Variants in NKAIN2 observed in about 807,000 individuals in gnomAD.
The protein encoded by NKAIN2 is sodium/potassium transporting ATPase interacting 2, also known as sodium/potassium-transporting ATPase subunit beta-1-interacting protein 2.
A neutral mutation model predicts 32.6 loss-of-function variants in NKAIN2; 14 were observed. The ratio of observed to expected loss-of-function variants is 0.43; its 90% confidence interval spans 0.28 to 0.67. NKAIN2 has a LOEUF of 0.67. Among genes scored for constraint, NKAIN2 ranks in the 30% least tolerant of loss-of-function variants. NKAIN2 has a pLI of 0.17. For missense variants in NKAIN2, 198 were observed against 258.3 expected, an observed-to-expected ratio of 0.77 and a Z score of 1.60; for synonymous variants, 80 against 87.2, an observed-to-expected ratio of 0.92 and a Z score of 0.46.
At position 124,633,938 on chromosome 6, in the gene NKAIN2, C is replaced by T. The variant is rs541433359; in HGVS notation, c.274-24248C>T. On this transcript the variant is annotated intron_variant, in intron 3 of 6. Transcript: ENST00000368417. The stretch of plus-strand genomic sequence containing the variant: ...TTCCCCAGCAAAGATATGCCACAGC[C>T]TCCACAAACAGCCACAGCTTAGGCC... Among the ~76,000 whole-genome samples the T allele has an allele frequency of 3.9e-5, 6 of 152,088 alleles. No homozygotes were observed. The South Asian group carries it at 1.2e-3, about 32-fold the overall frequency.
At chr6:123,969,707 G>C (rs1778251674) in intron 1 of NKAIN2, among the ~76,000 whole-genome samples, 1 of 152,178 alleles carries the variant, frequency 6.6e-6, no homozygotes, top group Admixed American at 6.5e-5. Flanking sequence ...ACAGTTGCCA[G>C]TGTCTAGATG....
chr6:124,146,288 C>T (rs2326080), intron 1 of NKAIN2, among the ~76,000 whole-genome samples: 96,035 of 151,892 alleles, frequency 0.63, 30,524 homozygotes, highest in East Asian at 0.73. Context: ...GTACAGTTTT[C>T]TTTTCAGAAC....
chr6:124,209,256 A>T (rs1008311835), intron 1 of NKAIN2, among the ~76,000 whole-genome samples: 3 of 151,842 alleles, frequency 2.0e-5, no homozygotes, highest in East Asian at 3.9e-4. Flanking sequence ...TTCACTTAAC[A>T]TAATGTCCCC....
At chr6:124,723,125 T>A (rs571780292) in intron 4 of NKAIN2, among the ~76,000 whole-genome samples, 15 of 152,330 alleles carry the variant, frequency 9.8e-5, no homozygotes, top group Admixed American at 7.2e-4. Context: ...AAAGAAAATT[T>A]GCAGAGAATC....
intron 1 of NKAIN2, among the ~76,000 whole-genome samples, chr6:123,911,277 C>T (rs1775164189): frequency 1.3e-5 from 2 of 152,116 alleles, no homozygotes; most frequent in African/African-American, 4.8e-5. Flanking sequence ...GCTCATGCTT[C>T]TGCAGGCTGT....
chr6:123,973,284 G>T (rs948980234), intron 1 of NKAIN2, among the ~76,000 whole-genome samples: 12 of 152,114 alleles, frequency 7.9e-5, no homozygotes, highest in African/African-American at 2.9e-4. Context: ...ATTATTAACA[G>T]TTAGAGCAGA....
At chr6:124,033,322 T>C (rs1331053094) in intron 1 of NKAIN2, among the ~76,000 whole-genome samples, 2 of 152,230 alleles carry the variant, frequency 1.3e-5, no homozygotes, top group African/African-American at 2.4e-5. Context: ...TTTTTAAATG[T>C]CGGTTAGAAA....
At chr6:124,102,118 G>A (rs73563185) in intron 1 of NKAIN2, among the ~76,000 whole-genome samples, 2,661 of 152,310 alleles carry the variant, frequency 0.017, 78 homozygotes, top group African/African-American at 0.061. Flanking sequence ...GAGGGTAGTG[G>A]TGGAATACAG....
At chr6:124,652,406 T>C (rs1333599236) in intron 3 of NKAIN2, among the ~76,000 whole-genome samples, 1 of 152,228 alleles carries the variant, frequency 6.6e-6, no homozygotes, top group Non-Finnish European at 1.5e-5. Context: ...CCTCCATTTA[T>C]AGCAATACAA....
Position 124,612,515 on chromosome 6 carries a change from A to G in NKAIN2, c.274-45671A>G, listed in dbSNP as rs373278634. The stretch of plus-strand genomic sequence containing the variant: ...CAGGGGAACTCTATGTGGAGATCTA[A>G]TTCTTGAAGTCTTATACCTGTAAGG... On this transcript the variant is annotated intron_variant, in intron 3 of 6. Coordinates refer to ENST00000368417, the MANE Select transcript of NKAIN2 (RefSeq NM_001040214.3). Among the ~76,000 whole-genome samples, 22 of 152,032 alleles carry G rather than the reference A, an allele frequency of 1.4e-4. No homozygotes were observed. In the East Asian group the frequency reaches 1.7e-3, roughly 12 times the overall value.
chr6:124,614,002 T>C (rs561480075), intron 3 of NKAIN2, among the ~76,000 whole-genome samples: 31 of 152,348 alleles, frequency 2.0e-4, no homozygotes, highest in African/African-American at 7.5e-4. Flanking sequence ...GATCAGGTCA[T>C]TTCAGCCTGA....
chr6:123,874,558 G>C (rs753149865), intron 1 of NKAIN2, among the ~76,000 whole-genome samples: 1 of 151,884 alleles, frequency 6.6e-6, no homozygotes, highest in Admixed American at 6.6e-5. Context: ...GCTTATTTTG[G>C]CACTAAGTGA....
intron 1 of NKAIN2, among the ~76,000 whole-genome samples, chr6:123,914,446 C>T (rs1302840838): frequency 6.6e-6 from 1 of 152,094 alleles, no homozygotes; most frequent in Non-Finnish European, 1.5e-5. Flanking sequence ...CTAATCCTAT[C>T]AGATCAGGGA....
chr6:124,493,202 T>G (rs933379588), intron 3 of NKAIN2, among the ~76,000 whole-genome samples: 2 of 152,046 alleles, frequency 1.3e-5, no homozygotes, highest in African/African-American at 4.8e-5. Flanking sequence ...TGGGGCTTTA[T>G]TAAGGCATCA....
intron 6 of NKAIN2, 33 bp from the exon 7 acceptor site, chr6:124,823,187 C>T (rs778391888): frequency 1.3e-6 from 2 of 1,504,388 alleles, no homozygotes; most frequent in South Asian, 1.1e-5. Flanking sequence ...GTCACTTTCC[C>T]CCTTGACTAA....
intron 1 of NKAIN2, among the ~76,000 whole-genome samples, chr6:124,243,310 C>A (rs1230520282): frequency 6.6e-6 from 1 of 151,876 alleles, no homozygotes; most frequent in Non-Finnish European, 1.5e-5. Context: ...CTCTGTCCAA[C>A]CTAAGAAAAC....
intron 1 of NKAIN2, among the ~76,000 whole-genome samples, chr6:123,955,590 TTTTTATTTTATTTTATTTTA>T (rs61369548): frequency 7.3e-5 from 10 of 136,664 alleles, no homozygotes; most frequent in Admixed American, 5.2e-4. Flanking sequence ...ATTTAAACAT[TTTTTATTTTATTTTATTTTA>T]TTTTATTTTA....
intron 3 of NKAIN2, among the ~76,000 whole-genome samples, chr6:124,641,263 C>G (rs1416567271): frequency 9.9e-5 from 15 of 152,018 alleles, no homozygotes; most frequent in African/African-American, 3.6e-4. Flanking sequence ...CATAAAAATG[C>G]AATATTTGTA....
At chr6:124,417,066 A>T (rs568689538) in intron 3 of NKAIN2, among the ~76,000 whole-genome samples, 2 of 152,354 alleles carry the variant, frequency 1.3e-5, no homozygotes, top group East Asian at 3.9e-4. Flanking sequence ...TCAATTAAAG[A>T]AATCACTTAG....
Sources: gnomAD v4.1 joint callset for allele counts (sites outside exome capture counted in the v4.1 genomes callset) on GRCh38, gnomAD v4.1.1 for gene constraint, MANE v1.5 for transcripts, NCBI Gene and HGNC (gene_info 2026-07-23, HGNC 2026-07-21) for gene names.